Variants in COL4A1 observed in about 807,000 individuals in gnomAD.
COL4A1 encodes collagen type IV alpha 1 chain, also known as collagen alpha-1(IV) chain.
Under a neutral mutation model 216.6 loss-of-function variants are expected in COL4A1, and 40 were observed. The observed-to-expected ratio is 0.18, with a 90% CI of 0.14 to 0.24. The LOEUF is 0.24. Ranked by LOEUF, COL4A1 falls within the 10% of genes least tolerant of loss-of-function variation. COL4A1 has a pLI of 1.00. For synonymous variants in COL4A1, 839 were observed against 810.7 expected (o/e 1.03, Z -0.59); for missense variants, 1,628 against 2,196.8 (o/e 0.74, Z 5.18).
At chr13:110,204,332 T>C (rs1218504381) in intron 17 of COL4A1, among the ~76,000 whole-genome samples, 1 of 152,188 alleles carries the variant, frequency 6.6e-6, no homozygotes, top group African/African-American at 2.4e-5. Flanking sequence ...ACCAGAAGAT[T>C]TTAGAAATAT....
Position 110,201,426 on chromosome 13 carries a change from C to T in COL4A1, c.1084+12G>A. 1.9e-6 allele frequency: 3 copies of T among 1,611,496 alleles called. No homozygotes were observed. Among genetic ancestry groups the T allele is most frequent in the Non-Finnish European group, 2.5e-6 (3 of 1,179,270 alleles). On this transcript the variant is annotated intron_variant, in intron 19 of 51. Transcript: ENST00000375820. Reference sequence around the variant, plus strand: ...GGAGTAGGAGGAGGGGGGAAAAAGGCAAGAAAGCTACCTTTTGGGCCTGGC... The same window carrying T: ...GGAGTAGGAGGAGGGGGGAAAAAGGTAAGAAAGCTACCTTTTGGGCCTGGC...
intron 1 of COL4A1, among the ~76,000 whole-genome samples, chr13:110,277,572 C>T (rs1883476351): frequency 6.6e-6 from 1 of 152,190 alleles, no homozygotes; most frequent in Non-Finnish European, 1.5e-5. Context: ...TCAAATCTCT[C>T]GGAACTGCTG....
At chr13:110,276,513 G>T (rs1026303574) in intron 1 of COL4A1, among the ~76,000 whole-genome samples, 1 of 152,112 alleles carries the variant, frequency 6.6e-6, no homozygotes, top group African/African-American at 2.4e-5. Context: ...TATACAGGTT[G>T]CATGGGAGGG....
At chr13:110,288,747 T>C (rs1189594754) in intron 1 of COL4A1, among the ~76,000 whole-genome samples, 1 of 152,106 alleles carries the variant, frequency 6.6e-6, no homozygotes, top group Non-Finnish European at 1.5e-5. Flanking sequence ...AAATGATGGG[T>C]GTCAGGCCAG....
chr13:110,289,285 C>T (rs1324432071), intron 1 of COL4A1, among the ~76,000 whole-genome samples: 2 of 151,548 alleles, frequency 1.3e-5, no homozygotes, highest in East Asian at 3.9e-4. Context: ...AGCTCTAGCA[C>T]GATCCAGGCC....
chr13:110,229,471 T>G (rs1357981184), intron 2 of COL4A1, among the ~76,000 whole-genome samples: 1 of 152,184 alleles, frequency 6.6e-6, no homozygotes, highest in Non-Finnish European at 1.5e-5. Flanking sequence ...ACAGCTGGGA[T>G]GCATTTTGTC....
At chr13:110,170,137 G>GGAAGGGAGGAAA (rs1566346664) in intron 42 of COL4A1, among the ~76,000 whole-genome samples, 101 of 54,574 alleles carry the variant, frequency 1.9e-3, no homozygotes, top group Admixed American at 4.1e-3. Flanking sequence ...AAGGAAGGAA[G>GGAAGGGAGGAAA]GAAGGAAGGA....
At chr13:110,182,857 G>A (rs1566356245) in intron 28 of COL4A1, 136 bp downstream of exon 28, 2 of 768,588 alleles carry the variant, frequency 2.6e-6, no homozygotes, top group Admixed American at 2.4e-5. Flanking sequence ...ACTGGGCTCA[G>A]CACTGCTTGG....
At chr13:110,196,892 T>C (rs547108493) in intron 21 of COL4A1, among the ~76,000 whole-genome samples, 1 of 152,210 alleles carries the variant, frequency 6.6e-6, no homozygotes, top group Non-Finnish European at 1.5e-5. Flanking sequence ...TAACATACAT[T>C]ATAAATCTTA....
At chr13:110,209,304 G>T in intron 11 of COL4A1, 88 bp downstream of exon 11, 1 of 1,228,740 alleles carries the variant, frequency 8.1e-7, no homozygotes, top group Non-Finnish European at 1.2e-6. Flanking sequence ...TTTTTTTAGA[G>T]ACTGAAAGAA....
chr13:110,179,256 T>A lies in COL4A1; in HGVS notation c.2344+15A>T. On this transcript the variant is annotated intron_variant, in intron 30 of 51. Coordinates refer to ENST00000375820, the MANE Select transcript of COL4A1 (RefSeq NM_001845.6). The stretch of plus-strand genomic sequence containing the variant: ...CTGTCCTCGAAACCCTCCAGACTGA[T>A]CTGCATGAAGTTACCTCTGATCCCC... The A allele has an allele frequency of 6.2e-7, 1 of 1,614,022 alleles. No individual in the cohort carries two copies. Among genetic ancestry groups the A allele is most frequent in the Non-Finnish European group, 8.5e-7 (1 of 1,179,994 alleles).
At chr13:110,291,026 G>A (rs1476573042) in intron 1 of COL4A1, among the ~76,000 whole-genome samples, 1 of 152,170 alleles carries the variant, frequency 6.6e-6, no homozygotes, top group African/African-American at 2.4e-5. Flanking sequence ...GCGGGTGGGG[G>A]GCTGTCCTGA....
chr13:110,152,290 A>G (rs1876535416), intron 51 of COL4A1, 44 bp downstream of exon 51: 2 of 1,612,064 alleles, frequency 1.2e-6, no homozygotes, highest in Middle Eastern at 1.7e-4. Context: ...AAATAAAGTC[A>G]CAAAGGGGCC....
intron 2 of COL4A1, among the ~76,000 whole-genome samples, chr13:110,224,405 C>T (rs1880643980): frequency 1.3e-5 from 2 of 152,186 alleles, no homozygotes. Context: ...TCACTGTAAC[C>T]TCCACCTCCC....
rs1351737168 is a variant in COL4A1, at chr13:110,178,198, G to A, written c.2492C>T (p.Pro831Leu). The A allele has an allele frequency of 1.2e-6, 2 of 1,614,002 alleles. No individual in the cohort carries two copies. The highest frequency in any genetic ancestry group is 1.3e-5 in the African/African-American group (1 of 74,928). ...PPGIKGEKGF[P>L]GFPGLDMPGP... ...CGGCATGTCCAGTCCAGGGAATCCG[G>A]GGAAACCCTTCTCTCCTTTTATTCC... Residue 831 changes from proline to leucine, a missense_variant, in exon 32 of 52, where the codon CCC (proline) becomes CTC (leucine). Around this residue, in one of 8 missense-constraint regions of COL4A1, gnomAD observed 701 missense variants for 892.5 expected, o/e 0.79. Transcript: ENST00000375820.
At chr13:110,253,816 C>CATAT (rs1882384800) in intron 1 of COL4A1, among the ~76,000 whole-genome samples, 2 of 82,928 alleles carry the variant, frequency 2.4e-5, no homozygotes, top group Admixed American at 2.4e-4. Context: ...TATAATTATA[C>CATAT]GTATGTATGT....
At chr13:110,231,482 C>A (rs1881060857) in intron 2 of COL4A1, among the ~76,000 whole-genome samples, 1 of 152,204 alleles carries the variant, frequency 6.6e-6, no homozygotes, top group Non-Finnish European at 1.5e-5. Context: ...CCTTCCCTGC[C>A]CCCTGCAGAT....
chr13:110,214,152 C>T, intron 2 of COL4A1, 137 bp from the exon 3 acceptor site: 2 of 729,012 alleles, frequency 2.7e-6, no homozygotes, highest in South Asian at 1.6e-5. Flanking sequence ...GGAGTGCATG[C>T]ACGATCTCGG....
At chr13:110,218,149 C>A (rs1349510673) in intron 2 of COL4A1, among the ~76,000 whole-genome samples, 1 of 152,098 alleles carries the variant, frequency 6.6e-6, no homozygotes, top group Non-Finnish European at 1.5e-5. Flanking sequence ...TTACCAACAA[C>A]AAAAACTGAT....
Sources: gnomAD v4.1 joint callset for allele counts (sites outside exome capture counted in the v4.1 genomes callset) on GRCh38, gnomAD v4.1.1 for gene constraint, gnomAD v4.1.1 regional missense constraint, MANE v1.5 for transcripts, NCBI Gene and HGNC (gene_info 2026-07-23, HGNC 2026-07-21) for gene names.